TEX9: variants seen among roughly 807,000 people sequenced by gnomAD.
TEX9 encodes testis-expressed protein 9.
In TEX9, 74 loss-of-function variants were observed where a neutral mutation model predicts 59.6. The ratio of observed to expected loss-of-function variants is 1.24; its 90% CI spans 1.03 to 1.51. The LOEUF is 1.51. Ranked by LOEUF, TEX9 falls within the 40% of genes most tolerant of loss-of-function variation. The pLI is 0.00. For missense variants in TEX9, 522 were observed against 447.8 expected, an observed-to-expected ratio of 1.17 and a Z score of -1.49; for synonymous variants, 186 against 152.2, an observed-to-expected ratio of 1.22 and a Z score of -1.64.
At chr15:56,255,253 G>A (rs2044118498) in intron 1 of TEX9, among the ~76,000 whole-genome samples, 1 of 152,098 alleles carries the variant, frequency 6.6e-6, no homozygotes, top group Non-Finnish European at 1.5e-5. Flanking sequence ...CAAAAGCAGG[G>A]GGCAGGTGAA....
chr15:56,337,131 T>C (rs539657270), intron 1 of TEX9, among the ~76,000 whole-genome samples: 1 of 152,206 alleles, frequency 6.6e-6, no homozygotes, highest in African/African-American at 2.4e-5. Context: ...AGAAAAAGAT[T>C]AGTGGGAAAA....
chr15:56,417,265 C>G (rs1281487969), intron 10 of TEX9, among the ~76,000 whole-genome samples: 5 of 151,804 alleles, frequency 3.3e-5, no homozygotes, highest in Middle Eastern at 3.4e-3. Flanking sequence ...CTTCTTGCTT[C>G]TTGAATTCTT....
chr15:56,292,422 G>A (rs1451345290), intron 1 of TEX9, among the ~76,000 whole-genome samples: 1 of 152,160 alleles, frequency 6.6e-6, no homozygotes, highest in Non-Finnish European at 1.5e-5. Context: ...TTGGTATTCA[G>A]GTGATCCCCT....
chr15:56,378,380 T>G (rs1452993132), intron 3 of TEX9, among the ~76,000 whole-genome samples: 5 of 151,884 alleles, frequency 3.3e-5, no homozygotes, highest in African/African-American at 7.3e-5. Context: ...TTTTTTATTG[T>G]GGCTTCAGTC....
intron 1 of TEX9, among the ~76,000 whole-genome samples, chr15:56,292,156 T>C (rs746762681): frequency 3.3e-5 from 5 of 152,250 alleles, no homozygotes; most frequent in Non-Finnish European, 4.4e-5. Flanking sequence ...GCAGAAATAG[T>C]AGTATCCTCA....
intron 10 of TEX9, among the ~76,000 whole-genome samples, chr15:56,427,170 A>T (rs2050329717): frequency 6.6e-6 from 1 of 152,152 alleles, no homozygotes; most frequent in Non-Finnish European, 1.5e-5. Context: ...TTTTAGAAGA[A>T]GCTAGTTGAA....
chr15:56,433,131 G>A (rs1255421436), intron 12 of TEX9, among the ~76,000 whole-genome samples: 1 of 151,864 alleles, frequency 6.6e-6, no homozygotes, highest in Non-Finnish European at 1.5e-5. Context: ...AGAATTATTT[G>A]CACCCTCAAA....
rs540295039 is a variant in TEX9 at position 56,301,819 on chromosome 15, G to A, written c.-107+57541G>A. The stretch of plus-strand genomic sequence containing the variant: ...GGAAGTTCTTCAATCTGAAAGAAAA[G>A]GACATTAGTGAGCAATAAGAAATCA... On this transcript the variant is annotated intron_variant, in intron 1 of 5. Coordinates refer to the TEX9 transcript ENST00000560827. Among the ~76,000 whole-genome samples the A allele has an allele frequency of 2.0e-5, 3 of 152,254 alleles. No individual in the cohort carries two copies. The South Asian group carries it at 6.2e-4, about 32-fold the overall frequency.
intron 1 of TEX9, among the ~76,000 whole-genome samples, chr15:56,324,955 C>G (rs1402177): frequency 0.35 from 52,967 of 152,014 alleles, 10,597 homozygotes; most frequent in Non-Finnish European, 0.45. Flanking sequence ...ACATAATAGA[C>G]AGATTATAAA....
At chr15:56,257,576 G>A (rs147892570) in intron 1 of TEX9, among the ~76,000 whole-genome samples, 1 of 152,206 alleles carries the variant, frequency 6.6e-6, no homozygotes, top group East Asian at 1.9e-4. Flanking sequence ...TTTGTTGGCT[G>A]CATGTATGTC....
exon 11 of TEX9, chr15:56,427,681 A>G: frequency 6.5e-7 from 1 of 1,536,518 alleles, no homozygotes; most frequent in Non-Finnish European, 8.8e-7. Context: ...CAAAAAGGAG[A>G]ATTAATGATA....
intron 10 of TEX9, among the ~76,000 whole-genome samples, chr15:56,425,349 G>T (rs813267): frequency 2.6e-5 from 4 of 152,064 alleles, no homozygotes; most frequent in African/African-American, 9.7e-5. Flanking sequence ...AGATTACACT[G>T]ATATACATAT....
At chr15:56,366,120 A>G (rs1053229067) in intron 2 of TEX9, among the ~76,000 whole-genome samples, 2 of 152,128 alleles carry the variant, frequency 1.3e-5, no homozygotes, top group African/African-American at 4.8e-5. Flanking sequence ...TCTCGTTCAA[A>G]TATTCCTTTT....
chr15:56,394,169 A>T, exon 8 of TEX9: 1 of 1,607,784 alleles, frequency 6.2e-7, no homozygotes, highest in Non-Finnish European at 8.5e-7. Context: ...TCACAGAAGC[A>T]CAGATCAGAT....
chr15:56,316,745 C>A (rs1443313478), intron 1 of TEX9, among the ~76,000 whole-genome samples: 7 of 152,328 alleles, frequency 4.6e-5, no homozygotes, highest in Non-Finnish European at 8.8e-5. Context: ...GCCCCTCCCC[C>A]AGCCTCGCTG....
intron 1 of TEX9, among the ~76,000 whole-genome samples, chr15:56,245,285 C>T (rs1383343787): frequency 1.3e-5 from 2 of 152,158 alleles, no homozygotes; most frequent in Non-Finnish European, 2.9e-5. Flanking sequence ...ACACTGAATG[C>T]TTGCACGTGG....
intron 3 of TEX9, among the ~76,000 whole-genome samples, chr15:56,375,281 T>C (rs2047383532): frequency 6.6e-6 from 1 of 152,244 alleles, no homozygotes; most frequent in African/African-American, 2.4e-5. Flanking sequence ...GTGAGCATTT[T>C]TTCATGTGTT....
At chr15:56,431,568 A>G (rs1230599375) in intron 12 of TEX9, 38 of 1,499,774 alleles carry the variant, frequency 2.5e-5, no homozygotes, top group South Asian at 1.3e-4. Context: ...AAATAAAACT[A>G]CTCATGCAAT....
chr15:56,457,224 T>C, the TEX9 span, among the ~76,000 whole-genome samples: 1 of 152,352 alleles, frequency 6.6e-6, no homozygotes, highest in East Asian at 1.9e-4. Context: ...GACTGATTGC[T>C]TCCCCAGGAT....
Sources: gnomAD v4.1 joint callset for allele counts (sites outside exome capture counted in the v4.1 genomes callset) on GRCh38, gnomAD v4.1.1 for gene constraint, MANE v1.5 for transcripts, NCBI Gene and HGNC (gene_info 2026-07-23, HGNC 2026-07-21) for gene names.